Variants in RASGEF1B observed in about 807,000 individuals in gnomAD.
RASGEF1B encodes the protein ras-GEF domain-containing family member 1B.
Under a neutral mutation model 65.7 loss-of-function variants are expected in RASGEF1B, and 30 were observed. The observed-to-expected ratio is 0.46, with a 90% CI of 0.34 to 0.62. The LOEUF (loss-of-function observed/expected upper bound fraction) is 0.62. Among genes scored for constraint, RASGEF1B ranks in the 20% least tolerant of loss-of-function variants. The pLI is 0.01. For synonymous variants in RASGEF1B, 175 were observed against 194.8 expected (o/e 0.90, Z 0.85); for missense variants, 495 against 580.1 (o/e 0.85, Z 1.51).
At chr4:81,468,252 T>C (rs1722914098) in intron 1 of RASGEF1B, among the ~76,000 whole-genome samples, 1 of 152,214 alleles carries the variant, frequency 6.6e-6, no homozygotes, top group Non-Finnish European at 1.5e-5. Flanking sequence ...TATTAAAAAG[T>C]AGAGTTTTCT....
chr4:81,466,807 A>AAAGG (rs1722846573), intron 1 of RASGEF1B, among the ~76,000 whole-genome samples: 2 of 149,524 alleles, frequency 1.3e-5, no homozygotes, highest in Non-Finnish European at 3.0e-5. Context: ...AGAAAGAAAG[A>AAAGG]AAGAAAGAAA....
At chr4:81,430,504 G>A (rs1338210321) in intron 13 of RASGEF1B, among the ~76,000 whole-genome samples, 1 of 152,150 alleles carries the variant, frequency 6.6e-6, no homozygotes, top group Non-Finnish European at 1.5e-5. Flanking sequence ...GGCCCACTGG[G>A]GCTTCAAGAG....
chr4:81,453,055 C>T (rs1722320659), intron 4 of RASGEF1B: 1 of 151,182 alleles, frequency 6.6e-6, no homozygotes, highest in Admixed American at 6.6e-5. Flanking sequence ...CCAACCCAGA[C>T]CCATATTCCT....
Position 81,445,562 on chromosome 4 carries a change from TA to T in RASGEF1B, c.891del (p.Phe297LeufsTer9). 1 of 1,613,986 alleles carries T rather than the reference TA, an allele frequency of 6.2e-7. No homozygotes were observed. Among genetic ancestry groups the T allele is most frequent in the Non-Finnish European group, 8.5e-7 (1 of 1,179,858 alleles). On this transcript the variant is annotated frameshift_variant, in exon 8 of 14. Coordinates refer to ENST00000264400, the MANE Select transcript of RASGEF1B (RefSeq NM_152545.3). LOFTEE classifies it high-confidence loss of function. ...ATCAAGGAGTTGAAGTTGCCAATGT[TA>T]AAACACTCCCGAGCTACGTCAATGA... Reference protein sequence around the residue: ...EYFIDVARECFNIGNFNSLMA... With the variant: ...EYFIDVARECXNIGNFNSLMA...
chr4:81,431,670 C>G (rs1721431642), intron 13 of RASGEF1B, among the ~76,000 whole-genome samples: 1 of 152,164 alleles, frequency 6.6e-6, no homozygotes, highest in Non-Finnish European at 1.5e-5. Flanking sequence ...TTCTGAGTTT[C>G]TCAGTAGGAC....
rs1427648617 is a variant in RASGEF1B at position 81,457,637 on chromosome 4, A to G, written c.178-16T>C. ...TGTATGTTCTCTGCAGCAACAGAAA[A>G]AAGTCATCATCGTTACATTCTCTCT... On this transcript the variant is annotated splice_polypyrimidine_tract_variant and intron_variant, in intron 2 of 13. Coordinates refer to ENST00000264400, the MANE Select transcript of RASGEF1B (RefSeq NM_152545.3). The G allele has an allele frequency of 6.2e-7, 1 of 1,612,134 alleles. No homozygotes were observed. Among genetic ancestry groups the G allele is most frequent in the Admixed American group, 1.7e-5 (1 of 59,636 alleles).
Position 81,456,786 on chromosome 4 carries a change from G to T in RASGEF1B, c.303C>A (p.Asn101Lys), listed in dbSNP as rs149851113. Residue 101 changes from asparagine to lysine, a missense_variant and splice_region_variant, in exon 4 of 14, where the codon AAC becomes AAA. By Grantham distance (94) the Asn-to-Lys change is moderately conservative. Transcript: ENST00000264400. ...QRLSDPDSDK[N>K]QMRKIAPKIL... ...TTTTGGGTGCAATTTTTCTCATCTG[G>T]TTCTAGGGAGAAATAGCAAATCTAA... The T allele has an allele frequency of 5.0e-6, 8 of 1,604,112 alleles. No homozygotes were observed. The highest frequency in any genetic ancestry group is 6.8e-6 in the Non-Finnish European group (8 of 1,175,374).
chr4:81,435,638 T>G (rs938099403), intron 10 of RASGEF1B, among the ~76,000 whole-genome samples: 1 of 148,502 alleles, frequency 6.7e-6, no homozygotes, highest in African/African-American at 2.5e-5. Context: ...CCGGCTAATT[T>G]TTTTTTTTTG....
rs1284606688 is a variant in RASGEF1B, at chr4:81,459,564, G to T, written c.-6-50C>A. ...AAATAATGTCAGCAATATGCAGTAT[G>T]AAAATAAAGGTAAGCTTTAATAGGC... On this transcript the variant is annotated intron_variant, in intron 1 of 13. Transcript: ENST00000264400. 4 of 1,361,902 alleles carry T rather than the reference G, an allele frequency of 2.9e-6. No homozygotes were observed. In the African/African-American group the frequency reaches 5.8e-5, roughly 20 times the overall value. The allele number at this position is 1,361,902 out of a possible 1,614,324, so 84.4% of individuals were successfully genotyped here. A position where few individuals can be genotyped will look rare whatever the true frequency, so the allele number is the denominator to read the frequency against.
Position 81,459,366 on chromosome 4 carries a change from T to C in RASGEF1B, c.143A>G (p.Gln48Arg), listed in dbSNP as rs766335268. ...LLSGSLEALIQHLVPNVDYYP... is the reference protein window; with the variant it reads ...LLSGSLEALIRHLVPNVDYYP... Reference sequence around the variant, plus strand: ...GTAATCCACATTAGGTACTAAGTGCTGGATGAGTGCTTCCAGGGATCCAGA... The same window carrying C: ...GTAATCCACATTAGGTACTAAGTGCCGGATGAGTGCTTCCAGGGATCCAGA... Residue 48 changes from glutamine (Q) to arginine (R), a missense_variant, in exon 2 of 14, where the codon CAG becomes CGG. Coordinates refer to ENST00000264400, the MANE Select transcript of RASGEF1B (RefSeq NM_152545.3). 3.1e-6 allele frequency: 5 copies of C among 1,611,230 alleles called. No individual in the cohort carries two copies. The East Asian group carries it at 6.7e-5, about 22-fold the overall frequency.
At chr4:81,444,591 C>T (rs1275775077) in intron 8 of RASGEF1B, among the ~76,000 whole-genome samples, 1 of 152,144 alleles carries the variant, frequency 6.6e-6, no homozygotes, top group Non-Finnish European at 1.5e-5. Context: ...GGCTAGAATG[C>T]AGTGGCATGA....
chr4:81,450,409 A>G (rs531256659), intron 4 of RASGEF1B, among the ~76,000 whole-genome samples: 7 of 152,256 alleles, frequency 4.6e-5, no homozygotes, highest in Middle Eastern at 3.4e-3. Flanking sequence ...TCTGTTGCCC[A>G]GGCTGGAGTG....
rs1722458660 is a variant in RASGEF1B at position 81,456,763 on chromosome 4, T to C, written c.326A>G (p.Lys109Arg). ...DKNQMRKIAP[K>R]ILQLLTEWTE... ...CCATTCCGTGAGGAGTTGAAGGATTTTGGGTGCAATTTTTCTCATCTGGTT... is the reference window on the plus strand; with the variant it reads ...CCATTCCGTGAGGAGTTGAAGGATTCTGGGTGCAATTTTTCTCATCTGGTT... Residue 109 changes from lysine (K) to arginine (R), a missense_variant, in exon 4 of 14, where the codon AAA (lysine) becomes AGA (arginine). Coordinates refer to ENST00000264400, the MANE Select transcript of RASGEF1B (RefSeq NM_152545.3). The C allele has an allele frequency of 6.2e-7, 1 of 1,612,060 alleles. No homozygotes were observed.
chr4:81,433,983 A>C lies in RASGEF1B; in HGVS notation c.1201-20T>G. 2 of 1,601,792 alleles carry C rather than the reference A, an allele frequency of 1.2e-6. No individual in the cohort carries two copies. Among genetic ancestry groups the C allele is most frequent in the East Asian group, 4.5e-5 (2 of 44,774 alleles). The stretch of plus-strand genomic sequence containing the variant: ...AAATTTCTGGAAGATAAGTAAAAAA[A>C]GAATATAAAGGTGATCATAAAAAAA... On this transcript the variant is annotated intron_variant, in intron 11 of 13. Transcript: ENST00000264400.
chr4:81,455,514 T>G (rs540904058), intron 4 of RASGEF1B: 20 of 152,232 alleles, frequency 1.3e-4, no homozygotes, highest in Non-Finnish European at 2.4e-4. Context: ...TTATTCATAA[T>G]GGAAAATGCA....
chr4:81,450,730 G>A (rs765563138), intron 4 of RASGEF1B, among the ~76,000 whole-genome samples: 21 of 152,034 alleles, frequency 1.4e-4, no homozygotes, highest in Admixed American at 3.3e-4. Flanking sequence ...AAAATTAGCC[G>A]GACACCTGCA....
intron 1 of RASGEF1B, among the ~76,000 whole-genome samples, chr4:81,461,237 C>T (rs1398468336): frequency 4.6e-5 from 7 of 152,148 alleles, no homozygotes; most frequent in African/African-American, 1.4e-4. Context: ...CTGTCCTTGC[C>T]CTGAGAAACT....
Position 81,466,923 on chromosome 4 carries a change from T to G in RASGEF1B, c.-7+4847A>C, listed in dbSNP as rs1030783142. Among the ~76,000 whole-genome samples, 7 of 130,542 alleles carry G rather than the reference T, an allele frequency of 5.4e-5. No homozygotes were observed. The East Asian group carries it at 1.5e-3, about 28-fold the overall frequency. 85.6% of individuals were successfully genotyped at this position (130,542 alleles called of 152,430 possible). A position where few individuals can be genotyped will look rare whatever the true frequency, so the allele number is the denominator to read the frequency against. ...CTGGAAACTGCAGAAATGCTACACC[T>G]CTGCTTACCTCCTTAAAAAAAAAAA... On this transcript the variant is annotated intron_variant, in intron 1 of 13. Transcript: ENST00000264400.
At chr4:81,433,693 A>T in intron 12 of RASGEF1B, 147 bp downstream of exon 12, 2 of 726,224 alleles carry the variant, frequency 2.8e-6, no homozygotes, top group Non-Finnish European at 4.3e-6. Flanking sequence ...GACAAATCAT[A>T]CATTTTCTGT....
Sources: allele counts gnomAD v4.1 joint callset (sites outside exome capture counted in the v4.1 genomes callset), GRCh38; gene constraint gnomAD v4.1.1; transcripts MANE v1.5; gene names NCBI Gene and HGNC (gene_info 2026-07-23, HGNC 2026-07-21).